The following AUH variants were observed in gnomAD, a reference collection of about 807,000 sequenced individuals.
The protein encoded by AUH is AU RNA binding methylglutaconyl-CoA hydratase.
A neutral mutation model predicts 42.3 loss-of-function variants in AUH; 29 were observed. The observed-to-expected ratio is 0.69, with a 90% CI of 0.51 to 0.93. The LOEUF (loss-of-function observed/expected upper bound fraction) is 0.93. AUH is among the 40% of genes least tolerant of loss of function. The pLI is 0.00. For synonymous variants in AUH, 174 were observed against 166.4 expected (o/e 1.05, Z -0.35); for missense variants, 452 against 438.1 (o/e 1.03, Z -0.28).
chr9:91,302,110 T>C (rs778487930), intron 4 of AUH, among the ~76,000 whole-genome samples: 3 of 152,102 alleles, frequency 2.0e-5, no homozygotes, highest in South Asian at 2.1e-4. Flanking sequence ...TCAAAGCACA[T>C]GCCAGTCTGA....
At chr9:91,349,614 G>T (rs183242783) in intron 3 of AUH, among the ~76,000 whole-genome samples, 1 of 152,088 alleles carries the variant, frequency 6.6e-6, no homozygotes, top group Admixed American at 6.6e-5. Flanking sequence ...TGAAATAGCA[G>T]AATTGTTTTG....
At chr9:91,318,260 T>C (rs1419912607) in intron 4 of AUH, among the ~76,000 whole-genome samples, 2 of 152,218 alleles carry the variant, frequency 1.3e-5, no homozygotes, top group Non-Finnish European at 2.9e-5. Flanking sequence ...TAAGAATTGG[T>C]TGATCACTTC....
intron 4 of AUH, among the ~76,000 whole-genome samples, chr9:91,311,392 G>T (rs1828690570): frequency 6.6e-6 from 1 of 152,130 alleles, no homozygotes; most frequent in Admixed American, 6.5e-5. Context: ...GAAAGAAAAA[G>T]AAGTTATGAA....
chr9:91,225,947 T>A (rs1037542748), intron 6 of AUH, among the ~76,000 whole-genome samples: 1 of 150,392 alleles, frequency 6.6e-6, no homozygotes, highest in African/African-American at 2.5e-5. Context: ...ATCCAGTCTA[T>A]CATTGTTGGA....
Position 91,286,449 on chromosome 9 carries a change from TG to T in AUH, c.655+9571del, listed in dbSNP as rs149871087. On this transcript the variant is annotated intron_variant, in intron 6 of 9. Coordinates refer to ENST00000375731, the MANE Select transcript of AUH (RefSeq NM_001698.3). The stretch of plus-strand genomic sequence containing the variant: ...TTTAAATTTGGAAATAGTCAGCCAA[TG>T]GTAATTACTATAGCTTCTTTTCCTG... 2.9e-3 allele frequency among the ~76,000 whole-genome samples: 438 copies of T among 152,268 alleles called. 15 individuals are homozygous for T. In the East Asian group the frequency reaches 0.042, roughly 15 times the overall value.
intron 6 of AUH, among the ~76,000 whole-genome samples, chr9:91,261,493 C>T (rs1009668727): frequency 6.6e-6 from 1 of 152,214 alleles, no homozygotes; most frequent in African/African-American, 2.4e-5. Flanking sequence ...TTACAGTTCT[C>T]TTTCTCTGGT....
At chr9:91,254,630 A>T (rs1472664860) in intron 6 of AUH, among the ~76,000 whole-genome samples, 2 of 152,222 alleles carry the variant, frequency 1.3e-5, no homozygotes, top group African/African-American at 4.8e-5. Context: ...TAAACATAAG[A>T]GATGGGTAAT....
At chr9:91,354,408 G>A (rs995951682) in intron 3 of AUH, among the ~76,000 whole-genome samples, 2 of 152,144 alleles carry the variant, frequency 1.3e-5, no homozygotes, top group Admixed American at 6.5e-5. Flanking sequence ...AAGTACTCAA[G>A]GCTAACATGT....
chr9:91,292,000 G>C (rs1267244693), intron 6 of AUH, among the ~76,000 whole-genome samples: 1 of 146,768 alleles, frequency 6.8e-6, no homozygotes, highest in African/African-American at 2.5e-5. Flanking sequence ...TCTACTTTTT[G>C]AAAGAATGAC....
intron 6 of AUH, among the ~76,000 whole-genome samples, chr9:91,274,813 T>A (rs1825418456): frequency 6.6e-6 from 1 of 152,174 alleles, no homozygotes. Context: ...CTAACCAAGC[T>A]TCACCTAAGG....
At chr9:91,263,008 G>A (rs1200017994) in intron 6 of AUH, among the ~76,000 whole-genome samples, 1 of 152,190 alleles carries the variant, frequency 6.6e-6, no homozygotes, top group Non-Finnish European at 1.5e-5. Context: ...TGCAGTTACT[G>A]CAGTGTTGCT....
intron 4 of AUH, among the ~76,000 whole-genome samples, chr9:91,311,750 C>T (rs1260045097): frequency 3.3e-5 from 5 of 152,158 alleles, no homozygotes; most frequent in Non-Finnish European, 7.3e-5. Flanking sequence ...ACACTGCCAC[C>T]ACGAACTACT....
chr9:91,336,104 T>C (rs925898220), intron 3 of AUH, among the ~76,000 whole-genome samples: 3 of 152,112 alleles, frequency 2.0e-5, no homozygotes, highest in Non-Finnish European at 4.4e-5. Flanking sequence ...ACAAACAATT[T>C]AAAGAAAAAT....
intron 3 of AUH, among the ~76,000 whole-genome samples, chr9:91,332,380 T>G (rs1208036697): frequency 6.6e-6 from 1 of 152,044 alleles, no homozygotes; most frequent in East Asian, 1.9e-4. Context: ...CGGGTGCCTG[T>G]AATCTCGGCT....
chr9:91,286,870 T>C (rs1474667556), intron 6 of AUH, among the ~76,000 whole-genome samples: 1 of 152,136 alleles, frequency 6.6e-6, no homozygotes, highest in African/African-American at 2.4e-5. Context: ...CTGTATGTCA[T>C]GGTGACCACA....
At chr9:91,266,264 A>G (rs1265591408) in intron 6 of AUH, among the ~76,000 whole-genome samples, 1 of 152,104 alleles carries the variant, frequency 6.6e-6, no homozygotes, top group East Asian at 1.9e-4. Flanking sequence ...TGGGAGGCTG[A>G]GGCAGGAGAA....
intron 6 of AUH, among the ~76,000 whole-genome samples, chr9:91,223,356 C>T (rs1308495784): frequency 3.3e-5 from 5 of 152,310 alleles, no homozygotes; most frequent in African/African-American, 9.6e-5. Context: ...TTTCACTTAG[C>T]GTAATGTCCT....
Position 91,361,732 on chromosome 9 carries a change from C to G in AUH, c.158G>C (p.Gly53Ala). ...GGGACCCCCGGCCGCAGGTACCCAG[C>G]CCTGGGCCCAGATCGCCGGGCCCGC... The part of the protein sequence containing the change: ...RRAGPAIWAQ[G>A]WVPAAGGPAP... Residue 53 changes from glycine to alanine, a missense_variant, in exon 1 of 10, where the codon GGC (glycine) becomes GCC (alanine). Gly to Ala is a moderately conservative substitution (Grantham distance 60). Transcript: ENST00000375731. The G allele has an allele frequency of 1.3e-6, 2 of 1,548,220 alleles. No individual in the cohort carries two copies. Among genetic ancestry groups the G allele is most frequent in the Non-Finnish European group, 1.7e-6 (2 of 1,146,466 alleles).
chr9:91,291,890 C>A (rs1042765853), intron 6 of AUH, among the ~76,000 whole-genome samples: 1 of 145,136 alleles, frequency 6.9e-6, no homozygotes, highest in East Asian at 2.0e-4. Context: ...TGCCATTGCA[C>A]TCCAGTCTGG....
Sources: gnomAD v4.1 joint callset for allele counts (sites outside exome capture counted in the v4.1 genomes callset) on GRCh38, gnomAD v4.1.1 for gene constraint, MANE v1.5 for transcripts, NCBI Gene and HGNC (gene_info 2026-07-23, HGNC 2026-07-21) for gene names.